MKLN1: variants seen among roughly 807,000 people sequenced by gnomAD.
MKLN1 encodes the protein muskelin.
MKLN1 carries 18 observed loss-of-function variants against 99.0 expected under a neutral mutation model. The ratio of observed to expected loss-of-function variants is 0.18; its 90% CI spans 0.13 to 0.27. The LOEUF is 0.27. Ranked by LOEUF, MKLN1 falls within the 10% of genes least tolerant of loss-of-function variation. The pLI is 1.00. For synonymous variants in MKLN1, 288 were observed against 293.2 expected (o/e 0.98, Z 0.18); for missense variants, 621 against 875.9 (o/e 0.71, Z 3.67).
At chr7:131,273,324 G>A (rs577395429) in intron 3 of MKLN1, among the ~76,000 whole-genome samples, 1 of 136,022 alleles carries the variant, frequency 7.4e-6, no homozygotes, top group Admixed American at 7.9e-5. Flanking sequence ...TTCCTCATCT[G>A]GCTTGAGCCT....
chr7:131,228,523 C>T (rs146919659), intron 3 of MKLN1, among the ~76,000 whole-genome samples: 3 of 152,322 alleles, frequency 2.0e-5, no homozygotes, highest in African/African-American at 7.2e-5. Context: ...AGCTCTGCTG[C>T]TCTTAGTATT....
In MKLN1 at chr7:131,119,650, G is replaced by A. The variant is rs548907730; in HGVS notation, c.-419+9443G>A. Reference sequence around the variant, plus strand: ...CCGTGCATCCTCTGAAATCTATGCAGAGACTCCCAAACCTTGATTCTTGCC... The same window carrying A: ...CCGTGCATCCTCTGAAATCTATGCAAAGACTCCCAAACCTTGATTCTTGCC... On this transcript the variant is annotated intron_variant, in intron 1 of 7. Coordinates refer to the MKLN1 transcript ENST00000416992. Among the ~76,000 whole-genome samples, 4 of 152,286 alleles carry A rather than the reference G, an allele frequency of 2.6e-5. No individual in the cohort carries two copies. The South Asian group carries it at 8.3e-4, about 32-fold the overall frequency.
intron 3 of MKLN1, among the ~76,000 whole-genome samples, chr7:131,207,601 A>G (rs1796837712): frequency 6.6e-6 from 1 of 152,102 alleles, no homozygotes; most frequent in Non-Finnish European, 1.5e-5. Flanking sequence ...ACAGATTCAA[A>G]CTTCCCAAGT....
At chr7:131,297,037 C>G (rs1798300458) in intron 3 of MKLN1, among the ~76,000 whole-genome samples, 1 of 151,986 alleles carries the variant, frequency 6.6e-6, no homozygotes. Context: ...CTGCACCTGG[C>G]CAAGACCTCA....
intron 2 of MKLN1, among the ~76,000 whole-genome samples, chr7:131,377,237 C>CT (rs1338397676): frequency 6.6e-6 from 1 of 152,108 alleles, no homozygotes; most frequent in Non-Finnish European, 1.5e-5. Context: ...GTGTATTGAA[C>CT]TTTATCAGGT....
intron 8 of MKLN1, among the ~76,000 whole-genome samples, chr7:131,421,932 A>G (rs1795207178): frequency 1.3e-5 from 2 of 152,196 alleles, no homozygotes; most frequent in South Asian, 4.1e-4. Flanking sequence ...AAATATATTT[A>G]TAATATTTTT....
At chr7:131,201,684 A>G (rs1796730742) in intron 2 of MKLN1, among the ~76,000 whole-genome samples, 1 of 152,202 alleles carries the variant, frequency 6.6e-6, no homozygotes, top group East Asian at 1.9e-4. Context: ...ACATAATGCT[A>G]TTTGATTCAG....
chr7:131,170,868 A>C (rs975346298), intron 2 of MKLN1, among the ~76,000 whole-genome samples: 9 of 152,216 alleles, frequency 5.9e-5, no homozygotes, highest in Non-Finnish European at 8.8e-5. Flanking sequence ...ATCATAGTAC[A>C]TTTTAATTTT....
intron 3 of MKLN1, among the ~76,000 whole-genome samples, chr7:131,252,606 G>A (rs954906030): frequency 5.3e-5 from 8 of 152,084 alleles, no homozygotes; most frequent in Admixed American, 4.6e-4. Context: ...GGGATTATAG[G>A]TGTGAGCCAC....
intron 2 of MKLN1, among the ~76,000 whole-genome samples, chr7:131,191,950 G>A (rs1248858845): frequency 1.4e-5 from 2 of 148,004 alleles, no homozygotes; most frequent in African/African-American, 5.0e-5. Context: ...GAACTCCTAA[G>A]CTCAGGCAAT....
At chr7:131,397,094 T>C (rs1283149632) in intron 4 of MKLN1, among the ~76,000 whole-genome samples, 173 bp from the exon 5 acceptor site, 3 of 152,224 alleles carry the variant, frequency 2.0e-5, no homozygotes, top group Non-Finnish European at 2.9e-5. Flanking sequence ...GTGGCATGGG[T>C]CATCTGTTTC....
At chr7:131,269,054 G>A (rs1469899407) in intron 3 of MKLN1, among the ~76,000 whole-genome samples, 1 of 152,152 alleles carries the variant, frequency 6.6e-6, no homozygotes, top group Non-Finnish European at 1.5e-5. Flanking sequence ...GAACACACTT[G>A]CATGTTGCTC....
At chr7:131,469,530 G>C (rs138115584) in intron 15 of MKLN1, among the ~76,000 whole-genome samples, 3 of 152,254 alleles carry the variant, frequency 2.0e-5, no homozygotes, top group African/African-American at 4.8e-5. Flanking sequence ...TCATCTGAAG[G>C]CTGTAAGCCT....
In MKLN1 at chr7:131,472,202, A is replaced by G. The variant is rs1404125587; in HGVS notation, c.2031+1258A>G. ...TTAATTTTGTTATGCCATGCATTTGAGAGTTATGCATAGATTTCCTTGTAT... is the reference window on the plus strand; with the variant it reads ...TTAATTTTGTTATGCCATGCATTTGGGAGTTATGCATAGATTTCCTTGTAT... On this transcript the variant is annotated intron_variant, in intron 16 of 17. Transcript: ENST00000352689. 3 of 152,216 alleles carry G rather than the reference A, an allele frequency of 2.0e-5. No individual in the cohort carries two copies. The East Asian group carries it at 5.8e-4, about 29-fold the overall frequency. The allele number at this position is 152,216 out of a possible 1,614,324, so 9.4% of individuals were successfully genotyped here.
intron 2 of MKLN1, among the ~76,000 whole-genome samples, chr7:131,154,030 G>A (rs1451738773): frequency 3.3e-5 from 5 of 152,026 alleles, no homozygotes; most frequent in African/African-American, 7.2e-5. Flanking sequence ...AAAATGGGGG[G>A]AGGAATGTGA....
rs75167301 is a variant in MKLN1 at position 131,404,570 on chromosome 7, C to T, written c.703+5137C>T. 2.2e-3 allele frequency among the ~76,000 whole-genome samples: 331 copies of T among 152,086 alleles called. 7 individuals are homozygous for T. The East Asian group carries it at 0.043, about 20-fold the overall frequency. ...AAATGATCCCAAAGCACTGGAATTT[C>T]GGGTGTGAGCTATTTGTTTGTTTTC... is the stretch of plus-strand genomic sequence containing the variant. On this transcript the variant is annotated intron_variant, in intron 6 of 17. Transcript: ENST00000352689.
intron 11 of MKLN1, among the ~76,000 whole-genome samples, chr7:131,443,943 T>C (rs544132729): frequency 3.3e-5 from 5 of 152,310 alleles, no homozygotes; most frequent in East Asian, 3.9e-4. Context: ...TCACTGCTTA[T>C]GTAGATTTTG....
At chr7:131,453,844 T>C (rs1008729559) in intron 12 of MKLN1, among the ~76,000 whole-genome samples, 2 of 152,054 alleles carry the variant, frequency 1.3e-5, no homozygotes, top group Non-Finnish European at 2.9e-5. Flanking sequence ...TATAAACCAA[T>C]AAAAGTGGAT....
chr7:131,393,649 CAG>C (rs1386738174), intron 4 of MKLN1, among the ~76,000 whole-genome samples: 1 of 151,924 alleles, frequency 6.6e-6, no homozygotes. Context: ...TTTTAAGAGA[CAG>C]GGTCTTTCTC....
Sources: allele counts gnomAD v4.1 joint callset (sites outside exome capture counted in the v4.1 genomes callset), GRCh38; gene constraint gnomAD v4.1.1; transcripts MANE v1.5; gene names NCBI Gene and HGNC (gene_info 2026-07-23, HGNC 2026-07-21).